The following NABP2 variants were observed in gnomAD, a reference collection of about 807,000 sequenced individuals.
NABP2 encodes nucleic acid binding protein 2.
Under a neutral mutation model 22.7 loss-of-function variants are expected in NABP2, and 7 were observed. The observed-to-expected ratio is 0.31, with a 90% confidence interval of 0.18 to 0.58. The LOEUF is 0.58. NABP2 is among the 20% of genes least tolerant of loss of function. The pLI is 0.89. For synonymous variants in NABP2, 107 were observed against 99.2 expected (o/e 1.08, Z -0.47); for missense variants, 188 against 265.9 (o/e 0.71, Z 2.04).
At chr12:56,222,052 C>T (rs560797401), upstream of NABP2, 2 of 152,476 alleles carry the variant, frequency 1.3e-5, no homozygotes, top group African/African-American at 4.8e-5. Context: ...GAAGGCTGGC[C>T]AGGCCTCCAC....
At chr12:56,227,352 C>A (rs982471375) in intron 6 of NABP2, among the ~76,000 whole-genome samples, 1 of 147,414 alleles carries the variant, frequency 6.8e-6, no homozygotes, top group African/African-American at 2.5e-5. Flanking sequence ...CTCCAGCTTG[C>A]GCGACAGTGA....
chr12:56,228,141 G>A (rs1869866779), intron 6 of NABP2, among the ~76,000 whole-genome samples: 1 of 151,720 alleles, frequency 6.6e-6, no homozygotes, highest in Non-Finnish European at 1.5e-5. Context: ...GTAGTGAGCT[G>A]GGATCGCTCC....
In NABP2 at chr12:56,229,087, T is replaced by TTGCCGGCCC; in HGVS notation, c.510_511insTGCCGGCCC (p.Thr170_Pro171insCysArgPro). On this transcript the variant is annotated inframe_insertion, in exon 7 of 7. Coordinates refer to ENST00000267023, the MANE Select transcript of NABP2 (RefSeq NM_024068.4). ...GTGGTGGCCCACATCCCCCTCATAC[T>TTGCCGGCCC]CCCTCCCACCCACCCAGCACCCGAA... 4.0e-6 allele frequency: 6 copies of TTGCCGGCCC among 1,512,340 alleles called. No individual in the cohort carries two copies. Among genetic ancestry groups the TTGCCGGCCC allele is most frequent in the South Asian group, 1.2e-5 (1 of 84,152 alleles). The allele number at this position is 1,512,340 out of a possible 1,614,324, so 93.7% of individuals were successfully genotyped here.
At position 56,225,501 on chromosome 12, in the gene NABP2, C is replaced by G; in HGVS notation, c.208C>G (p.Leu70Val). The G allele has an allele frequency of 6.2e-7, 1 of 1,614,210 alleles. No individual in the cohort carries two copies. Among genetic ancestry groups the G allele is most frequent in the Non-Finnish European group, 8.5e-7 (1 of 1,180,046 alleles). The change falls in exon 3 of 7, where the codon CTC becomes GTC. Residue 70 changes from leucine to valine, a missense_variant. Transcript: ENST00000267023. ...GATCCAGCCTGGGGACATTATCCGG[C>G]TCACCAAAGGGTAAGTCAGCTGGTG... Reference protein sequence around the residue: ...NLIQPGDIIRLTKGYASVFKG... With the variant: ...NLIQPGDIIRVTKGYASVFKG...
intron 4 of NABP2, among the ~76,000 whole-genome samples, chr12:56,225,901 G>A (rs547780458): frequency 6.6e-6 from 1 of 152,280 alleles, no homozygotes; most frequent in South Asian, 2.1e-4. Flanking sequence ...CCGGGGTCAG[G>A]TGATCCTCCC....
Position 56,225,613 on chromosome 12 carries a change from G to A in NABP2, c.219-11G>A. 6.2e-7 allele frequency: 1 copy of A among 1,613,904 alleles called. No homozygotes were observed. Among genetic ancestry groups the A allele is most frequent in the Non-Finnish European group, 8.5e-7 (1 of 1,179,988 alleles). ...CTGAGTACTGAATTTTGCTTTTTTT[G>A]CCTCCCATAGGTACGCTTCAGTTTT... On this transcript the variant is annotated splice_polypyrimidine_tract_variant and intron_variant, in intron 3 of 6. Transcript: ENST00000267023.
In NABP2 at chr12:56,224,374, G is replaced by A. The variant is rs1327723233; in HGVS notation, c.-91G>A. On this transcript the variant is annotated 5_prime_UTR_variant, in exon 1 of 7. Coordinates refer to ENST00000267023, the MANE Select transcript of NABP2 (RefSeq NM_024068.4). ...CGCGTTCCACGGGGCAGCATCCGGCGGCAGCGGAGCCTGTGGCTCCCCCTG... is the reference window on the plus strand; with the variant it reads ...CGCGTTCCACGGGGCAGCATCCGGCAGCAGCGGAGCCTGTGGCTCCCCCTG... 29 of 990,066 alleles carry A rather than the reference G, an allele frequency of 2.9e-5. No homozygotes were observed. Among genetic ancestry groups the A allele is most frequent in the Non-Finnish European group, 3.4e-5 (28 of 831,870 alleles). 61.3% of individuals were successfully genotyped at this position (990,066 alleles called of 1,614,324 possible).
chr12:56,225,531 C>T lies in NABP2; in HGVS notation c.218+20C>T. The T allele has an allele frequency of 6.2e-7, 1 of 1,614,214 alleles. No homozygotes were observed. On this transcript the variant is annotated intron_variant, in intron 3 of 6. Transcript: ENST00000267023. ...CAAAGGGTAAGTCAGCTGGTGACTT[C>T]TGGCCTTCCAAAGGCAACAACAATC...
upstream of NABP2, among the ~76,000 whole-genome samples, chr12:56,223,241 C>G (rs1028288561): frequency 1.2e-4 from 18 of 151,880 alleles, no homozygotes; most frequent in African/African-American, 3.9e-4. Flanking sequence ...ACTCCTTTGC[C>G]GGGGTGGAGC....
intron 1 of NABP2, 39 bp from the exon 2 acceptor site, chr12:56,224,795 A>G (rs755382579): frequency 1.3e-6 from 2 of 1,553,424 alleles, no homozygotes; most frequent in Admixed American, 3.3e-5. Flanking sequence ...GGGGCAAAGG[A>G]TCCAAGCATT....
In NABP2 at chr12:56,229,016, T is replaced by C; in HGVS notation, c.439T>C (p.Ser147Pro). 1 of 1,612,232 alleles carries C rather than the reference T, an allele frequency of 6.2e-7. No homozygotes were observed. The highest frequency in any genetic ancestry group is 8.5e-7 in the Non-Finnish European group (1 of 1,179,254). The change falls in exon 7 of 7, where the codon TCT (serine) becomes CCT (proline). Residue 147 changes from serine (S) to proline (P), a missense_variant and splice_region_variant. Physicochemically the swap from Ser to Pro is moderately conservative, Grantham distance 74 (BLOSUM62 -1). Transcript: ENST00000267023. ...TTGPSAASPA[S>P]ENQNGNGLSA... ...GTTTCTTCTCCTCCCACAATTAGCC[T>C]CTGAGAACCAGAATGGGAATGGACT...
At chr12:56,228,147 G>A (rs907890438) in intron 6 of NABP2, among the ~76,000 whole-genome samples, 1 of 151,576 alleles carries the variant, frequency 6.6e-6, no homozygotes, top group Non-Finnish European at 1.5e-5. Flanking sequence ...AGCTGGGATC[G>A]CTCCATTGCA....
chr12:56,229,390 C>T lies in NABP2; in HGVS notation c.*177C>T, dbSNP rs1358789249. 7.6e-6 allele frequency: 5 copies of T among 658,838 alleles called. No individual in the cohort carries two copies. In the East Asian group the frequency reaches 1.1e-4, roughly 15 times the overall value. 40.8% of individuals were successfully genotyped at this position (658,838 alleles called of 1,614,324 possible). A position where few individuals can be genotyped will look rare whatever the true frequency, so the allele number is the denominator to read the frequency against. On this transcript the variant is annotated 3_prime_UTR_variant, in exon 7 of 7. Transcript: ENST00000267023. ...ACTCCCTCATTGTCCAGCTGAACTA[C>T]CTGTCCCCTGGGAGTCAGGACCCTC... is the stretch of plus-strand genomic sequence containing the variant.
intron 6 of NABP2, among the ~76,000 whole-genome samples, chr12:56,226,872 C>T (rs1022273231): frequency 1.0e-4 from 15 of 150,710 alleles, no homozygotes; most frequent in African/African-American, 1.9e-4. Flanking sequence ...CACAGGTGCA[C>T]GCCACCATGC....
In NABP2 at chr12:56,229,763, AAG is replaced by A. The variant is rs1870036885; in HGVS notation, c.*552_*553del. 2 of 156,106 alleles carry A rather than the reference AAG, an allele frequency of 1.3e-5. No individual in the cohort carries two copies. Among genetic ancestry groups the A allele is most frequent in the African/African-American group, 4.8e-5 (2 of 41,364 alleles). 9.7% of individuals were successfully genotyped at this position (156,106 alleles called of 1,614,324 possible). On this transcript the variant is annotated 3_prime_UTR_variant, in exon 7 of 7. Coordinates refer to ENST00000267023, the MANE Select transcript of NABP2 (RefSeq NM_024068.4). ...AAAAAAAGAAAGAAAGAAAGAAAGAAAGAAAGAAATGGCAGTTACCATCTGTT... is the reference window on the plus strand; with the variant it reads ...AAAAAAAGAAAGAAAGAAAGAAAGAAAAAGAAATGGCAGTTACCATCTGTT...
At chr12:56,224,569 A>G (rs1221244499) in intron 1 of NABP2, 128 bp downstream of exon 1, 13 of 1,222,936 alleles carry the variant, frequency 1.1e-5, no homozygotes, top group Non-Finnish European at 1.2e-5. Flanking sequence ...ACCCCTGTCT[A>G]CGTCGGCTCC....
Position 56,229,085 on chromosome 12 carries a change from ACTCC to A in NABP2, c.514_517del (p.Ser172ThrfsTer60). On this transcript the variant is annotated frameshift_variant, in exon 7 of 7. Transcript: ENST00000267023. LOFTEE classifies it high-confidence loss of function. ...CGGTGGTGGCCCACATCCCCCTCATACTCCCTCCCACCCACCCAGCACCCGAATC... is the reference window on the plus strand; with the variant it reads ...CGGTGGTGGCCCACATCCCCCTCATACTCCCACCCACCCAGCACCCGAATC... 1 of 1,587,554 alleles carries A rather than the reference ACTCC, an allele frequency of 6.3e-7. No individual in the cohort carries two copies. The highest frequency in any genetic ancestry group is 1.4e-5 in the African/African-American group (1 of 72,668).
intron 1 of NABP2, 141 bp from the exon 2 acceptor site, chr12:56,224,693 T>G: frequency 1.1e-6 from 1 of 878,898 alleles, no homozygotes; most frequent in Non-Finnish European, 1.7e-6. Flanking sequence ...CCTCCGGGGA[T>G]GTTCTTTTTT....
chr12:56,229,248 C>T lies in NABP2; in HGVS notation c.*35C>T, dbSNP rs766716032. On this transcript the variant is annotated 3_prime_UTR_variant, in exon 7 of 7. Transcript: ENST00000267023. ...CTTTCTTCCTGCCACCAACCACATC[C>T]CAAGTGTCCCCTGGAGAGCAAGATA... is the stretch of plus-strand genomic sequence containing the variant. The T allele has an allele frequency of 4.4e-6, 7 of 1,608,448 alleles. No homozygotes were observed. The highest frequency in any genetic ancestry group is 2.7e-5 in the African/African-American group (2 of 74,786).
Sources: allele counts gnomAD v4.1 joint callset (sites outside exome capture counted in the v4.1 genomes callset), GRCh38; gene constraint gnomAD v4.1.1; transcripts MANE v1.5; gene names NCBI Gene and HGNC (gene_info 2026-07-23, HGNC 2026-07-21).